CDC34: variants seen among roughly 807,000 people sequenced by gnomAD.
CDC34 encodes ubiquitin-conjugating enzyme E2 R1.
CDC34 carries 18 observed loss-of-function variants against 26.8 expected under a neutral mutation model. That is an observed-to-expected ratio of 0.67 (90% CI 0.47 to 1.00). The LOEUF (loss-of-function observed/expected upper bound fraction) is 1.00. CDC34 is among the 50% of genes least tolerant of loss of function. The pLI is 0.00. For synonymous variants in CDC34, 178 were observed against 147.5 expected, an observed-to-expected ratio of 1.21 and a Z score of -1.50; for missense variants, 280 against 334.5, an observed-to-expected ratio of 0.84 and a Z score of 1.27.
intron 1 of CDC34, among the ~76,000 whole-genome samples, chr19:533,092 G>A (rs1255179970): frequency 6.6e-6 from 1 of 152,220 alleles, no homozygotes; most frequent in East Asian, 1.9e-4. Flanking sequence ...CAAAACCAGG[G>A]CAGTTTTCTT....
At chr19:540,226 G>C (rs1234011629) in intron 4 of CDC34, among the ~76,000 whole-genome samples, 3 of 756 alleles carry the variant, frequency 4.0e-3, no homozygotes, top group African/African-American at 5.6e-3. Context: ...GGCCGGGGTG[G>C]CCAGGCCCCC....
intron 4 of CDC34, chr19:538,652 T>A (rs1359512023): frequency 1.1e-6 from 1 of 925,976 alleles, no homozygotes; most frequent in African/African-American, 1.8e-5. Flanking sequence ...ATTGCACACA[T>A]AATGCATGTG....
At chr19:539,893 G>T (rs867426383) in intron 4 of CDC34, among the ~76,000 whole-genome samples, 1 of 152,146 alleles carries the variant, frequency 6.6e-6, no homozygotes. Context: ...TCATAGGGCC[G>T]GGTGTACACG....
In CDC34 at chr19:541,591, G is replaced by GCCGGA; in HGVS notation, c.*42_*46dup. The GCCGGA allele has an allele frequency of 2.0e-6, 3 of 1,523,986 alleles. No individual in the cohort carries two copies. Among genetic ancestry groups the GCCGGA allele is most frequent in the Non-Finnish European group, 2.6e-6 (3 of 1,133,698 alleles). 94.4% of individuals were successfully genotyped at this position (1,523,986 alleles called of 1,614,324 possible). ...AACTTGCCGAGTTTACCTCACTAGG[G>GCCGGA]CCGGACCCGTGGCTCCTTAGACGAC... On this transcript the variant is annotated 3_prime_UTR_variant, in exon 5 of 5. Transcript: ENST00000215574.
rs1277522285 is a variant in CDC34 at position 541,800 on chromosome 19, T to A, written c.*248T>A. ...CCAGGGTGGGAGCGGCCGGCCCACCTGTCCCCTCGGGAGGGGAGCTGAGCC... is the reference window on the plus strand; with the variant it reads ...CCAGGGTGGGAGCGGCCGGCCCACCAGTCCCCTCGGGAGGGGAGCTGAGCC... On this transcript the variant is annotated 3_prime_UTR_variant, in exon 5 of 5. Coordinates refer to ENST00000215574, the MANE Select transcript of CDC34 (RefSeq NM_004359.2). 9.0e-6 allele frequency: 3 copies of A among 332,790 alleles called. No individual in the cohort carries two copies. The highest frequency in any genetic ancestry group is 1.6e-5 in the Non-Finnish European group (3 of 183,260). 20.6% of individuals were successfully genotyped at this position (332,790 alleles called of 1,614,324 possible). A position where few individuals can be genotyped will look rare whatever the true frequency, so the allele number is the denominator to read the frequency against.
intron 1 of CDC34, among the ~76,000 whole-genome samples, chr19:534,454 C>T (rs1197400613): frequency 1.4e-5 from 2 of 139,644 alleles, no homozygotes; most frequent in Non-Finnish European, 3.1e-5. Context: ...CGATCCAAGA[C>T]CCCCTGAGTG....
chr19:531,948 T>C lies in CDC34; in HGVS notation c.17T>C (p.Val6Ala), dbSNP rs1979506740. 1 of 1,457,964 alleles carries C rather than the reference T, an allele frequency of 6.9e-7. No homozygotes were observed. The highest frequency in any genetic ancestry group is 1.5e-5 in the African/African-American group (1 of 66,434). 90.3% of individuals were successfully genotyped at this position (1,457,964 alleles called of 1,614,324 possible). MARPL[V>A]PSSQKALLLE... ...GCCGCCGCCATGGCTCGGCCGCTAG[T>C]GCCCAGCTCGCAGAAGGCGCTGCTG... is the stretch of plus-strand genomic sequence containing the variant. The change falls in exon 1 of 5, where the codon GTG becomes GCG. Residue 6 changes from valine (V) to alanine (A), a missense_variant. Physicochemically the swap from Val to Ala is moderately conservative, Grantham distance 64 (BLOSUM62 0). Coordinates refer to ENST00000215574, the MANE Select transcript of CDC34 (RefSeq NM_004359.2).
At chr19:538,771 C>T in intron 4 of CDC34, 1 of 985,410 alleles carries the variant, frequency 1.0e-6, no homozygotes, top group Non-Finnish European at 1.2e-6. Context: ...GCTGGGCGGT[C>T]TCGGCTCTGA....
intron 4 of CDC34, chr19:539,062 C>T (rs1979894265): frequency 6.4e-6 from 6 of 941,472 alleles, no homozygotes; most frequent in Non-Finnish European, 7.6e-6. Context: ...CACACATGTG[C>T]CATGTGGACT....
chr19:532,193 G>T (rs1391073574), intron 1 of CDC34, 85 bp downstream of exon 1: 1 of 1,161,616 alleles, frequency 8.6e-7, no homozygotes, highest in South Asian at 1.8e-5. Context: ...CGCGGTCCTA[G>T]CGCTGTTGCT....
chr19:538,758 G>A, intron 4 of CDC34: 2 of 985,394 alleles, frequency 2.0e-6, no homozygotes, highest in Non-Finnish European at 1.2e-6. Flanking sequence ...GCAGCATCCT[G>A]GTGCTGGGCG....
At position 538,740 on chromosome 19, in the gene CDC34, A is replaced by G. The variant is rs7254191; in HGVS notation, c.497+1593A>G. On this transcript the variant is annotated intron_variant, in intron 4 of 4. Transcript: ENST00000215574. Reference sequence around the variant, plus strand: ...CGCTGGTACCTGGTGTCGTGGGGTCATCTCGGGGCAGCATCCTGGTGCTGG... The same window carrying G: ...CGCTGGTACCTGGTGTCGTGGGGTCGTCTCGGGGCAGCATCCTGGTGCTGG... The G allele has an allele frequency of 4.1e-3, 3,994 of 985,298 alleles. 123 individuals carry two copies. The African/African-American group carries it at 0.065, about 16-fold the overall frequency. 61.0% of individuals were successfully genotyped at this position (985,298 alleles called of 1,614,324 possible).
intron 4 of CDC34, chr19:538,577 C>A: frequency 2.6e-6 from 1 of 382,910 alleles, no homozygotes; most frequent in Non-Finnish European, 3.6e-6. Context: ...GATTTCCTCA[C>A]AGAGGCCTCA....
intron 1 of CDC34, among the ~76,000 whole-genome samples, chr19:532,762 C>T (rs1209929812): frequency 3.9e-5 from 6 of 152,244 alleles, no homozygotes; most frequent in South Asian, 2.1e-4. Context: ...TGGGCTCCAT[C>T]CCCTGCTTTA....
chr19:536,392 T>C, intron 3 of CDC34, 52 bp downstream of exon 3: 1 of 1,376,596 alleles, frequency 7.3e-7, no homozygotes, highest in Non-Finnish European at 1.0e-6. Context: ...TAGGCCGGGC[T>C]CCGTCCCGTA....
chr19:537,204 G>T, intron 4 of CDC34, 57 bp downstream of exon 4: 2 of 1,592,664 alleles, frequency 1.3e-6, no homozygotes, highest in Non-Finnish European at 1.7e-6. Context: ...CTGCACCCCG[G>T]CCCCTGGTCC....
intron 3 of CDC34, 149 bp downstream of exon 3, chr19:536,489 G>T (rs1049875989): frequency 3.9e-5 from 25 of 636,352 alleles, no homozygotes; most frequent in Non-Finnish European, 6.9e-5. Context: ...GCGGTCCTGG[G>T]CCTCGCTGTA....
In CDC34 at chr19:541,536, G is replaced by A. The variant is rs140384237; in HGVS notation, c.695G>A (p.Gly232Asp). 6.3e-7 allele frequency: 1 copy of A among 1,595,602 alleles called. No homozygotes were observed. Among genetic ancestry groups the A allele is most frequent in the Non-Finnish European group, 8.6e-7 (1 of 1,169,108 alleles). Residue 232 changes from glycine (G) to aspartate (D), a missense_variant, in exon 5 of 5, where the codon GGC (glycine) becomes GAC (aspartate). Physicochemically the swap from Gly to Asp is moderately conservative, Grantham distance 94. Transcript: ENST00000215574. ...SCFGDDEDDSGTEES is the reference protein window; with the variant it reads ...SCFGDDEDDSDTEES Reference sequence around the variant, plus strand: ...TTCGGGGACGATGAGGATGACTCTGGCACGGAGGAGTCCTGACACCACCAG... The same window carrying A: ...TTCGGGGACGATGAGGATGACTCTGACACGGAGGAGTCCTGACACCACCAG...
chr19:541,700 C>A lies in CDC34; in HGVS notation c.*148C>A. The A allele has an allele frequency of 1.1e-6, 1 of 888,382 alleles. No homozygotes were observed. The highest frequency in any genetic ancestry group is 1.6e-6 in the Non-Finnish European group (1 of 617,384). 55.0% of individuals were successfully genotyped at this position (888,382 alleles called of 1,614,324 possible). A position where few individuals can be genotyped will look rare whatever the true frequency, so the allele number is the denominator to read the frequency against. On this transcript the variant is annotated 3_prime_UTR_variant, in exon 5 of 5. Transcript: ENST00000215574. ...CTTTTTCTCCCTCCCCATGTCTGTTCTGGGTTTTCACGTGCTTCAGAGAAG... is the reference window on the plus strand; with the variant it reads ...CTTTTTCTCCCTCCCCATGTCTGTTATGGGTTTTCACGTGCTTCAGAGAAG...
Sources: gnomAD v4.1 joint callset for allele counts (sites outside exome capture counted in the v4.1 genomes callset) on GRCh38, gnomAD v4.1.1 for gene constraint, MANE v1.5 for transcripts, NCBI Gene and HGNC (gene_info 2026-07-23, HGNC 2026-07-21) for gene names.